SOS2: variants seen among roughly 807,000 people sequenced by gnomAD.
SOS2 encodes SOS Ras/Rho guanine nucleotide exchange factor 2, also known as son of sevenless homolog 2.
In SOS2, 65 loss-of-function variants were observed where a neutral mutation model predicts 148.2. The ratio of observed to expected loss-of-function variants is 0.44; its 90% confidence interval spans 0.36 to 0.54. The LOEUF is 0.54. Among genes scored for constraint, SOS2 ranks in the 20% least tolerant of loss-of-function variants. The pLI, the probability that SOS2 is intolerant of heterozygous loss-of-function variation, is 0.00. For missense variants in SOS2, 1,341 were observed against 1,590.2 expected (o/e 0.84, Z 2.67); for synonymous variants, 539 against 537.1 (o/e 1.00, Z -0.05).
At chr14:50,192,420 G>C (rs529935085) in intron 4 of SOS2, among the ~76,000 whole-genome samples, 59 of 151,982 alleles carry the variant, frequency 3.9e-4, no homozygotes, top group Non-Finnish European at 7.2e-4. Context: ...GCCAGGCATG[G>C]TAGCACGCAC....
intron 1 of SOS2, among the ~76,000 whole-genome samples, chr14:50,217,563 A>T (rs953095059): frequency 2.6e-5 from 4 of 152,214 alleles, no homozygotes; most frequent in Admixed American, 6.5e-5. Flanking sequence ...AATAAATAAA[A>T]AATTTCTAGA....
At chr14:50,190,999 G>C (rs969073550) in intron 4 of SOS2, among the ~76,000 whole-genome samples, 1 of 152,094 alleles carries the variant, frequency 6.6e-6, no homozygotes, top group East Asian at 1.9e-4. Flanking sequence ...TTTAGAGTAG[G>C]TCATACTTGC....
chr14:50,158,461 T>C (rs1884887380), intron 11 of SOS2, 104 bp downstream of exon 11: 1 of 645,996 alleles, frequency 1.5e-6, no homozygotes. Context: ...AAATAAAATA[T>C]GTTCAATAAT....
rs567368640 is a variant in SOS2 at position 50,159,189 on chromosome 14, C to CAA, written c.1852+240_1852+241dup. On this transcript the variant is annotated intron_variant, in intron 10 of 22. Coordinates refer to ENST00000216373, the MANE Select transcript of SOS2 (RefSeq NM_006939.4). ...TGGGCAACAGAGCAAGACTCTGTCTCAAAAAAAAAAAATTCATGAATATGC... is the reference window on the plus strand; with the variant it reads ...TGGGCAACAGAGCAAGACTCTGTCTCAAAAAAAAAAAAAATTCATGAATATGC... 5.2e-3 allele frequency among the ~76,000 whole-genome samples: 715 copies of CAA among 137,422 alleles called. 7 individuals are homozygous for CAA. The highest frequency in any genetic ancestry group is 0.018 in the African/African-American group (678 of 37,444). 90.2% of individuals were successfully genotyped at this position (137,422 alleles called of 152,430 possible). A position where few individuals can be genotyped will look rare whatever the true frequency, so the allele number is the denominator to read the frequency against.
At chr14:50,185,866 T>C (rs1193459176) in intron 5 of SOS2, among the ~76,000 whole-genome samples, 4 of 152,114 alleles carry the variant, frequency 2.6e-5, no homozygotes, top group Admixed American at 2.0e-4. Context: ...CTAATATCCT[T>C]ATTAGATAGG....
intron 1 of SOS2, among the ~76,000 whole-genome samples, chr14:50,211,923 T>C (rs1806459573): frequency 6.6e-6 from 1 of 152,118 alleles, no homozygotes; most frequent in African/African-American, 2.4e-5. Context: ...TCATCCAGAA[T>C]GGGACAGATA....
At chr14:50,219,337 CT>C (rs1566485636) in intron 1 of SOS2, among the ~76,000 whole-genome samples, 1 of 152,010 alleles carries the variant, frequency 6.6e-6, no homozygotes, top group Non-Finnish European at 1.5e-5. Flanking sequence ...GAATACACTA[CT>C]GAGCAATAAA....
Position 50,199,680 on chromosome 14 carries a change from G to GT in SOS2, c.510+10dup, listed in dbSNP as rs1381479409. 1.3e-6 allele frequency: 2 copies of GT among 1,543,774 alleles called. No individual in the cohort carries two copies. The highest frequency in any genetic ancestry group is 1.8e-6 in the Non-Finnish European group (2 of 1,134,926). On this transcript the variant is annotated intron_variant, in intron 4 of 22. Coordinates refer to ENST00000216373, the MANE Select transcript of SOS2 (RefSeq NM_006939.4). ...TATTCAAGTTAAATTTAAATACCTT[G>GT]TAACACTTACCTTATCCGCACACAT...
chr14:50,132,189 G>GCCTC (rs1415584182), intron 19 of SOS2, among the ~76,000 whole-genome samples: 1 of 152,022 alleles, frequency 6.6e-6, no homozygotes, highest in African/African-American at 2.4e-5. Context: ...AGAGGTGGAA[G>GCCTC]TGTGGTCCAG....
intron 7 of SOS2, among the ~76,000 whole-genome samples, chr14:50,176,835 C>T (rs1880004763): frequency 6.6e-6 from 1 of 152,160 alleles, no homozygotes; most frequent in Non-Finnish European, 1.5e-5. Flanking sequence ...CATGGGGAAA[C>T]CCCATCTCTA....
chr14:50,224,337 AC>A, intron 1 of SOS2, among the ~76,000 whole-genome samples: 1 of 146,888 alleles, frequency 6.8e-6, no homozygotes, highest in African/African-American at 2.5e-5. Flanking sequence ...ACACACACAC[AC>A]ACACACACAC....
intron 5 of SOS2, 64 bp downstream of exon 5, chr14:50,188,433 T>C: frequency 1.1e-6 from 1 of 950,794 alleles, no homozygotes; most frequent in Non-Finnish European, 1.6e-6. Flanking sequence ...AGTGACTATT[T>C]ATGATTTTAA....
intron 7 of SOS2, among the ~76,000 whole-genome samples, chr14:50,179,388 A>T (rs1200398873): frequency 6.6e-6 from 1 of 151,862 alleles, no homozygotes; most frequent in African/African-American, 2.4e-5. Flanking sequence ...TTTATTTTTT[A>T]TTTTTATTTT....
chr14:50,224,304 A>AAAT (rs1243000778), intron 1 of SOS2, among the ~76,000 whole-genome samples: 798 of 62,560 alleles, frequency 0.013, 15 homozygotes, highest in African/African-American at 0.028. Context: ...AAAAAAAAAA[A>AAAT]ATATATATAT....
At chr14:50,145,812 C>T (rs1327367264) in intron 14 of SOS2, among the ~76,000 whole-genome samples, 1 of 152,140 alleles carries the variant, frequency 6.6e-6, no homozygotes, top group Non-Finnish European at 1.5e-5. Context: ...ACAATGAAAT[C>T]CCATTTTACT....
chr14:50,132,532 A>G (rs1883914374), intron 19 of SOS2, among the ~76,000 whole-genome samples: 1 of 151,772 alleles, frequency 6.6e-6, no homozygotes, highest in Non-Finnish European at 1.5e-5. Flanking sequence ...GTAGTGGCAC[A>G]CACCTGTTAT....
At chr14:50,126,259 A>C (rs1176376256) in intron 21 of SOS2, among the ~76,000 whole-genome samples, 1 of 152,182 alleles carries the variant, frequency 6.6e-6, no homozygotes, top group Non-Finnish European at 1.5e-5. Context: ...CATCATCTCA[A>C]ATATTCATCA....
intron 1 of SOS2, among the ~76,000 whole-genome samples, chr14:50,230,454 A>G (rs1566490584): frequency 6.6e-6 from 1 of 152,212 alleles, no homozygotes. Flanking sequence ...ACAGAGGAAG[A>G]CCGCCACCAT....
At position 50,180,696 on chromosome 14, in the gene SOS2, AAG is replaced by A. The variant is rs1347885328; in HGVS notation, c.859-16_859-15del. ...AAATGCTTGCTCCTATTTTTTTAAA[AAG>A]AGAAAAAGCATTAGGTTTAAAAGAA... On this transcript the variant is annotated splice_polypyrimidine_tract_variant and intron_variant, in intron 6 of 22. Transcript: ENST00000216373. The A allele has an allele frequency of 2.9e-6, 4 of 1,391,726 alleles. No individual in the cohort carries two copies. Among genetic ancestry groups the A allele is most frequent in the Admixed American group, 3.8e-5 (2 of 53,076 alleles). 86.2% of individuals were successfully genotyped at this position (1,391,726 alleles called of 1,614,324 possible). A position where few individuals can be genotyped will look rare whatever the true frequency, so the allele number is the denominator to read the frequency against.
Sources: gnomAD v4.1 joint callset for allele counts (sites outside exome capture counted in the v4.1 genomes callset) on GRCh38, gnomAD v4.1.1 for gene constraint, MANE v1.5 for transcripts, NCBI Gene and HGNC (gene_info 2026-07-23, HGNC 2026-07-21) for gene names.